Variants in KCTD19 observed in about 807,000 individuals in gnomAD.
KCTD19 encodes the protein BTB/POZ domain-containing protein KCTD19.
KCTD19 carries 67 observed loss-of-function variants against 103.5 expected under a neutral mutation model. The ratio of observed to expected loss-of-function variants is 0.65; its 90% CI spans 0.53 to 0.79. The LOEUF (loss-of-function observed/expected upper bound fraction) is 0.79, where lower values mean the gene tolerates loss of function less well. KCTD19 is among the 30% of genes least tolerant of loss of function. The pLI is 0.00. For synonymous variants in KCTD19, 439 were observed against 452.2 expected, an observed-to-expected ratio of 0.97 and a Z score of 0.37; for missense variants, 980 against 1,136.1, an observed-to-expected ratio of 0.86 and a Z score of 1.98.
At position 67,295,248 on chromosome 16, in the gene KCTD19, C is replaced by G. The variant is rs1450790390; in HGVS notation, c.1391+15G>C. ...CCTTCGTGATTTCATCTTACTGCGT[C>G]CTTGCTTCACTTACTTAAATTCAGA... On this transcript the variant is annotated intron_variant, in intron 9 of 15. Coordinates refer to ENST00000304372, the MANE Select transcript of KCTD19 (RefSeq NM_001100915.3). 5 of 1,613,242 alleles carry G rather than the reference C, an allele frequency of 3.1e-6. No individual in the cohort carries two copies. Among genetic ancestry groups the G allele is most frequent in the Non-Finnish European group, 3.4e-6 (4 of 1,179,288 alleles).
At chr16:67,322,894 A>C (rs1407373004) in intron 1 of KCTD19, among the ~76,000 whole-genome samples, 1 of 152,236 alleles carries the variant, frequency 6.6e-6, no homozygotes, top group Non-Finnish European at 1.5e-5. Flanking sequence ...AAATTGGCAA[A>C]GCATCTAAAT....
Position 67,289,622 on chromosome 16 carries a change from G to A in KCTD19, c.2728C>T (p.Leu910=). 1 of 1,614,144 alleles carries A rather than the reference G, an allele frequency of 6.2e-7. No homozygotes were observed. Among genetic ancestry groups the A allele is most frequent in the African/African-American group, 1.3e-5 (1 of 75,036 alleles). ...RCMDLLIQRG[L]SRSVSYSILG... Reference sequence around the variant, plus strand: ...ATGGAGTAAGAGACAGACCTAGACAGGCCCCTCTGGATGAGCAGGTCCATG... The same window carrying A: ...ATGGAGTAAGAGACAGACCTAGACAAGCCCCTCTGGATGAGCAGGTCCATG... Residue 910 remains leucine (L), a synonymous_variant, in exon 16 of 16, where the codon CTG becomes TTG. Transcript: ENST00000304372.
Position 67,299,522 on chromosome 16 carries a change from C to T in KCTD19, c.827G>A (p.Arg276His), listed in dbSNP as rs548397608. 1.2e-5 allele frequency: 20 copies of T among 1,613,970 alleles called. No individual in the cohort carries two copies. The highest frequency in any genetic ancestry group is 4.0e-5 in the African/African-American group (3 of 75,036). The change falls in exon 6 of 16, where the codon CGC becomes CAC. Residue 276 changes from arginine to histidine, a missense_variant. Coordinates refer to ENST00000304372, the MANE Select transcript of KCTD19 (RefSeq NM_001100915.3). ...CSPLSPGKGA[R>H]TASLESVKPL... ...TTTCACGGACTCCAGGCTGGCTGTGCGGGCCCCCTTCCCGGGGCTCAGGGG... is the reference window on the plus strand; with the variant it reads ...TTTCACGGACTCCAGGCTGGCTGTGTGGGCCCCCTTCCCGGGGCTCAGGGG...
chr16:67,291,305 A>G lies in KCTD19; in HGVS notation c.2565+4T>C. The G allele has an allele frequency of 6.2e-7, 1 of 1,612,356 alleles. No individual in the cohort carries two copies. The highest frequency in any genetic ancestry group is 8.5e-7 in the Non-Finnish European group (1 of 1,179,436). ...CCCCAGGGCCTGAGGCCTGTCACAC[A>G]TACCCACAGCCGATTGGCCAGGGAG... On this transcript the variant is annotated splice_donor_region_variant and intron_variant, in intron 14 of 15. Coordinates refer to ENST00000304372, the MANE Select transcript of KCTD19 (RefSeq NM_001100915.3).
Position 67,304,498 on chromosome 16 carries a change from G to T in KCTD19, c.374C>A (p.Ala125Glu). ...RPADLPVAER[A>E]SLNYWRTWKC... Reference sequence around the variant, plus strand: ...CCATGTACGCCAGTAGTTCAGAGATGCTCTCTCAGCAACAGGTAGGTCTGC... The same window carrying T: ...CCATGTACGCCAGTAGTTCAGAGATTCTCTCTCAGCAACAGGTAGGTCTGC... The change falls in exon 3 of 16, where the codon GCA becomes GAA. Residue 125 changes from alanine (A) to glutamate (E), a missense_variant. Transcript: ENST00000304372. The T allele has an allele frequency of 6.2e-7, 1 of 1,613,830 alleles. No individual in the cohort carries two copies.
At chr16:67,298,482 AC>A (rs1022958807) in intron 6 of KCTD19, among the ~76,000 whole-genome samples, 1 of 152,008 alleles carries the variant, frequency 6.6e-6, no homozygotes, top group Admixed American at 6.6e-5. Flanking sequence ...CTTGCCTCAT[AC>A]GCATCTGCCC....
At chr16:67,295,188 A>G in intron 9 of KCTD19, 75 bp downstream of exon 9, 5 of 1,588,442 alleles carry the variant, frequency 3.1e-6, no homozygotes, top group Non-Finnish European at 3.4e-6. Context: ...GAAGGCTGCA[A>G]CTCAGGTCTC....
chr16:67,313,642 G>A (rs2036971761), intron 2 of KCTD19, among the ~76,000 whole-genome samples: 1 of 151,976 alleles, frequency 6.6e-6, no homozygotes, highest in African/African-American at 2.4e-5. Flanking sequence ...AGGCTGGAGT[G>A]CAGTGGCATG....
At chr16:67,294,320 T>C in intron 11 of KCTD19, 149 bp from the exon 12 acceptor site, 1 of 918,054 alleles carries the variant, frequency 1.1e-6, no homozygotes, top group Non-Finnish European at 1.6e-6. Context: ...TGAGCTTTGC[T>C]CAGGCTGAGT....
At chr16:67,321,700 G>A (rs896149637) in intron 1 of KCTD19, 1 of 151,986 alleles carries the variant, frequency 6.6e-6, no homozygotes, top group Non-Finnish European at 1.5e-5. Flanking sequence ...ATTAGGATGT[G>A]TCTGAAGTCT....
intron 2 of KCTD19, among the ~76,000 whole-genome samples, chr16:67,312,164 A>G (rs2036956458): frequency 6.6e-6 from 1 of 152,200 alleles, no homozygotes; most frequent in African/African-American, 2.4e-5. Flanking sequence ...AGGAAACATA[A>G]GTAGCATGTC....
chr16:67,313,064 G>C (rs1390565213), intron 2 of KCTD19, among the ~76,000 whole-genome samples: 1 of 151,944 alleles, frequency 6.6e-6, no homozygotes, highest in Non-Finnish European at 1.5e-5. Context: ...AAACAAATGA[G>C]CATAGCTGTG....
intron 6 of KCTD19, among the ~76,000 whole-genome samples, chr16:67,298,901 C>T (rs1357455334): frequency 6.6e-6 from 1 of 151,212 alleles, no homozygotes; most frequent in African/African-American, 2.4e-5. Context: ...AGGATCAGCA[C>T]CTCTGGGAAG....
chr16:67,308,170 CTTTT>C (rs554751590), intron 2 of KCTD19, among the ~76,000 whole-genome samples: 1 of 134,588 alleles, frequency 7.4e-6, no homozygotes, highest in Non-Finnish European at 1.6e-5. Flanking sequence ...TCTTTCTTTT[CTTTT>C]TTTTTTTTTT....
At chr16:67,301,226 G>GGCCCAA (rs2036830222) in intron 5 of KCTD19, 1 of 153,352 alleles carries the variant, frequency 6.5e-6, no homozygotes, top group South Asian at 2.1e-4. Context: ...AATGAGGTAG[G>GGCCCAA]GCTGGGAGCA....
Position 67,296,268 on chromosome 16 carries a change from A to T in KCTD19, c.1148-9T>A. ...CTCTGCCGTCCACTCATCTATGGGA[A>T]TCCAGGAGATAGAACACATCATCAT... On this transcript the variant is annotated splice_polypyrimidine_tract_variant and intron_variant, in intron 7 of 15. Transcript: ENST00000304372. 1 of 1,561,080 alleles carries T rather than the reference A, an allele frequency of 6.4e-7. No individual in the cohort carries two copies. The highest frequency in any genetic ancestry group is 8.8e-7 in the Non-Finnish European group (1 of 1,131,636).
At chr16:67,324,114 A>C (rs1463368944) in intron 1 of KCTD19, among the ~76,000 whole-genome samples, 1 of 152,202 alleles carries the variant, frequency 6.6e-6, no homozygotes, top group African/African-American at 2.4e-5. Flanking sequence ...AAAAAGTTTA[A>C]GGTCATCTGT....
chr16:67,325,583 C>T lies in KCTD19; in HGVS notation c.3+1122G>A, dbSNP rs1039816442. Among the ~76,000 whole-genome samples the T allele has an allele frequency of 4.6e-5, 7 of 151,970 alleles. No homozygotes were observed. The South Asian group carries it at 1.2e-3, about 27-fold the overall frequency. ...TAAGGATAGGGTGTGACAAGAGGGT[C>T]CTGGCTCCTTCTTACATACATGTCC... On this transcript the variant is annotated intron_variant, in intron 1 of 15. Coordinates refer to ENST00000304372, the MANE Select transcript of KCTD19 (RefSeq NM_001100915.3).
At position 67,291,409 on chromosome 16, in the gene KCTD19, T is replaced by A; in HGVS notation, c.2465A>T (p.Lys822Ile). ...GATGTCAGCCAGGAAGCAGTGACAT[T>A]TCTGTGCATAAAACATCTCTTCCCA... ...LSWEEMFYAQ[K>I]CHCFLADIIM... is the part of the protein sequence containing the mutation. Residue 822 changes from lysine to isoleucine, a missense_variant, in exon 14 of 16, where the codon AAA becomes ATA. Coordinates refer to ENST00000304372, the MANE Select transcript of KCTD19 (RefSeq NM_001100915.3). The A allele has an allele frequency of 1.2e-6, 2 of 1,614,194 alleles. No homozygotes were observed. The highest frequency in any genetic ancestry group is 1.7e-6 in the Non-Finnish European group (2 of 1,180,014).
Sources: allele counts gnomAD v4.1 joint callset (sites outside exome capture counted in the v4.1 genomes callset), GRCh38; gene constraint gnomAD v4.1.1; transcripts MANE v1.5; gene names NCBI Gene and HGNC (gene_info 2026-07-23, HGNC 2026-07-21).